BRI3BP: variants seen among roughly 807,000 people sequenced by gnomAD.
BRI3BP encodes the protein BRI3-binding protein.
In BRI3BP, 7 loss-of-function variants were observed where a neutral mutation model predicts 15.8. The ratio of observed to expected loss-of-function variants is 0.44; its 90% CI spans 0.25 to 0.83. The LOEUF (loss-of-function observed/expected upper bound fraction) is 0.83, where lower values mean the gene tolerates loss of function less well. Ranked by LOEUF, BRI3BP falls within the 40% of genes least tolerant of loss-of-function variation. BRI3BP has a pLI of 0.20. For missense variants in BRI3BP, 320 were observed against 339.3 expected (o/e 0.94, Z 0.45); for synonymous variants, 192 against 163.5 (o/e 1.17, Z -1.33).
At chr12:125,012,764 G>A in intron 2 of BRI3BP, 128 bp downstream of exon 2, 1 of 709,470 alleles carries the variant, frequency 1.4e-6, no homozygotes, top group Non-Finnish European at 2.5e-6. Flanking sequence ...GGATATGAGT[G>A]AACATTTTTT....
the BRI3BP span, among the ~76,000 whole-genome samples, chr12:125,041,017 C>G: frequency 6.6e-6 from 1 of 151,576 alleles, no homozygotes; most frequent in East Asian, 2.0e-4. Context: ...AGGCATGAGC[C>G]ACCGTGCCTG....
At chr12:125,044,715 G>A in the BRI3BP span, among the ~76,000 whole-genome samples, 1 of 152,052 alleles carries the variant, frequency 6.6e-6, no homozygotes, top group South Asian at 2.1e-4. Flanking sequence ...CTCCCAAAGT[G>A]GTGGGATTAC....
chr12:125,035,394 C>CTTT (rs55943185), downstream of BRI3BP, among the ~76,000 whole-genome samples: 1 of 131,938 alleles, frequency 7.6e-6, no homozygotes, highest in African/African-American at 2.7e-5. Context: ...TAGGTATTGT[C>CTTT]TTTTTTTTTT....
rs1407537965 is a variant in BRI3BP at position 125,019,649 on chromosome 12, TTTTTTTTTGCC to T, written c.317-5335_317-5325del. On this transcript the variant is annotated intron_variant, in intron 2 of 2. Transcript: ENST00000341446. ...TTAATTCCACCCTTTTTTTTTTTTTTTTTTTTTTGCCTTTTTTGCTGTGAGTACTTGAAAAT... is the reference window on the plus strand; with the variant it reads ...TTAATTCCACCCTTTTTTTTTTTTTTTTTTTTGCTGTGAGTACTTGAAAAT... Among the ~76,000 whole-genome samples, 53 of 27,940 alleles carry T rather than the reference TTTTTTTTTGCC, an allele frequency of 1.9e-3. 3 individuals carry two copies. Among genetic ancestry groups the T allele is most frequent in the South Asian group, 0.014 (5 of 358 alleles). The allele number at this position is 27,940 out of a possible 152,430, so 18.3% of individuals were successfully genotyped here.
intron 1 of BRI3BP, among the ~76,000 whole-genome samples, chr12:125,000,227 C>T (rs1442363006): frequency 2.0e-5 from 3 of 150,464 alleles, no homozygotes; most frequent in Non-Finnish European, 3.0e-5. Flanking sequence ...ATAGACTGTG[C>T]GTATTTAAAG....
In BRI3BP at chr12:125,015,561, A is replaced by G. The variant is rs76192283; in HGVS notation, c.316+2925A>G. On this transcript the variant is annotated intron_variant, in intron 2 of 2. Transcript: ENST00000341446. ...TGGTTTGTTGCGGCAGTCACGGGAA[A>G]CCATTATACCATAGCCCTGTTACAT... 8.5e-5 allele frequency among the ~76,000 whole-genome samples: 13 copies of G among 152,160 alleles called. No homozygotes were observed. The East Asian group carries it at 2.3e-3, about 27-fold the overall frequency.
At chr12:125,037,449 A>G in the BRI3BP span, among the ~76,000 whole-genome samples, 1 of 152,234 alleles carries the variant, frequency 6.6e-6, no homozygotes, top group East Asian at 1.9e-4. Context: ...GCTATAGTAG[A>G]TGAAATATTC....
chr12:125,008,292 C>T (rs1955164570), intron 1 of BRI3BP, among the ~76,000 whole-genome samples: 1 of 137,098 alleles, frequency 7.3e-6, no homozygotes, highest in Admixed American at 7.8e-5. Context: ...TCACCCTCCT[C>T]TTCTTTCTTT....
At chr12:125,034,719 A>G (rs959540350), downstream of BRI3BP, among the ~76,000 whole-genome samples, 1 of 152,004 alleles carries the variant, frequency 6.6e-6, no homozygotes, top group Non-Finnish European at 1.5e-5. Flanking sequence ...CCTCCCAAGT[A>G]GCTGGGACTA....
chr12:125,028,376 GAGATCTCGATA>G lies in BRI3BP; in HGVS notation c.*2952_*2962del, dbSNP rs1269302234. 6.6e-6 allele frequency: 1 copy of G among 152,160 alleles called. No individual in the cohort carries two copies. The highest frequency in any genetic ancestry group is 1.5e-5 in the Non-Finnish European group (1 of 68,028). 9.4% of individuals were successfully genotyped at this position (152,160 alleles called of 1,614,324 possible). ...AACATGAAGGGCACTGTGCTCTATT[GAGATCTCGATA>G]AGATCATCATTTTAACTTGTATTCA... is the stretch of plus-strand genomic sequence containing the variant. On this transcript the variant is annotated 3_prime_UTR_variant, in exon 3 of 3. Coordinates refer to ENST00000341446, the MANE Select transcript of BRI3BP (RefSeq NM_080626.6).
intron 1 of BRI3BP, among the ~76,000 whole-genome samples, chr12:125,001,869 G>A (rs1221662293): frequency 1.3e-5 from 2 of 152,056 alleles, no homozygotes; most frequent in African/African-American, 2.4e-5. Flanking sequence ...AAGAAACTCT[G>A]TACCCATTAG....
At chr12:125,019,635 C>CTTT (rs1205730966) in intron 2 of BRI3BP, among the ~76,000 whole-genome samples, 1 of 33,056 alleles carries the variant, frequency 3.0e-5, no homozygotes, top group African/African-American at 8.3e-5. Context: ...TAATTCCACC[C>CTTT]TTTTTTTTTT....
Position 124,993,905 on chromosome 12 carries a change from G to A in BRI3BP, c.115G>A (p.Gly39Ser). 1 of 1,279,052 alleles carries A rather than the reference G, an allele frequency of 7.8e-7. No individual in the cohort carries two copies. Among genetic ancestry groups the A allele is most frequent in the South Asian group, 2.2e-5 (1 of 45,356 alleles). 79.2% of individuals were successfully genotyped at this position (1,279,052 alleles called of 1,614,324 possible). The change falls in exon 1 of 3, where the codon GGC (glycine) becomes AGC (serine). Residue 39 changes from glycine to serine, a missense_variant. By Grantham distance (56) the Gly-to-Ser change is moderately conservative. Coordinates refer to ENST00000341446, the MANE Select transcript of BRI3BP (RefSeq NM_080626.6). ...GGGCGCGCAGGGGGCGCGGGGCCGC[G>A]GCGGCGCGGAGAAGAACAGCTACCG... ...APGAQGARGR[G>S]GAEKNSYRRT...
At position 125,027,591 on chromosome 12, in the gene BRI3BP, A is replaced by G. The variant is rs1955366962; in HGVS notation, c.*2161A>G. 6.6e-6 allele frequency: 1 copy of G among 152,050 alleles called. No individual in the cohort carries two copies. 9.4% of individuals were successfully genotyped at this position (152,050 alleles called of 1,614,324 possible). ...AGGCTGAGGCTGGAGAATCGCTTGA[A>G]CATGGGAGGCGGAGGTTGCAGTCAG... On this transcript the variant is annotated 3_prime_UTR_variant, in exon 3 of 3. Coordinates refer to ENST00000341446, the MANE Select transcript of BRI3BP (RefSeq NM_080626.6).
chr12:125,034,925 G>A (rs1164790644), downstream of BRI3BP, among the ~76,000 whole-genome samples: 1 of 152,120 alleles, frequency 6.6e-6, no homozygotes, highest in Admixed American at 6.6e-5. Flanking sequence ...TAAATGGGAT[G>A]AAACAGCATG....
chr12:125,006,964 C>T (rs571634920), intron 1 of BRI3BP, among the ~76,000 whole-genome samples: 1 of 152,030 alleles, frequency 6.6e-6, no homozygotes, highest in South Asian at 2.1e-4. Context: ...TTTGGGAGGT[C>T]AAGGTGGGTG....
the BRI3BP span, among the ~76,000 whole-genome samples, chr12:125,050,559 T>C: frequency 6.6e-6 from 1 of 152,256 alleles, no homozygotes; most frequent in African/African-American, 2.4e-5. Context: ...TCAGTCTTTT[T>C]GGAAATGTTT....
the BRI3BP span, among the ~76,000 whole-genome samples, chr12:125,038,032 C>G: frequency 6.6e-6 from 1 of 152,060 alleles, no homozygotes; most frequent in Non-Finnish European, 1.5e-5. Flanking sequence ...GTGGCTCATG[C>G]ATGTAATCCC....
the BRI3BP span, among the ~76,000 whole-genome samples, chr12:125,040,337 T>A: frequency 6.6e-6 from 1 of 151,476 alleles, no homozygotes; most frequent in African/African-American, 2.4e-5. Flanking sequence ...AAAGTATAGG[T>A]TCTTTTTGTT....
Sources: gnomAD v4.1 joint callset for allele counts (sites outside exome capture counted in the v4.1 genomes callset) on GRCh38, gnomAD v4.1.1 for gene constraint, MANE v1.5 for transcripts, NCBI Gene and HGNC (gene_info 2026-07-23, HGNC 2026-07-21) for gene names.